The following PLAGL1 variants were observed in gnomAD, a reference collection of about 807,000 sequenced individuals.
PLAGL1 encodes the protein zinc finger protein PLAGL1.
A neutral mutation model predicts 4.6 loss-of-function variants in PLAGL1; 1 was observed. The observed-to-expected ratio is 0.22, with a 90% CI of 0.08 to 1.03. The LOEUF (loss-of-function observed/expected upper bound fraction) is 1.03, where lower values mean the gene tolerates loss of function less well. PLAGL1 is among the 50% of genes least tolerant of loss of function. The pLI is 0.58. For synonymous variants in PLAGL1, 240 were observed against 237.8 expected (o/e 1.01, Z -0.08); for missense variants, 464 against 570.4 (o/e 0.81, Z 1.90).
At chr6:144,054,311 C>A (rs1798786940) in intron 1 of PLAGL1, among the ~76,000 whole-genome samples, 1 of 152,126 alleles carries the variant, frequency 6.6e-6, no homozygotes, top group Non-Finnish European at 1.5e-5. Context: ...ATGTTTATTG[C>A]AGCACAATTT....
chr6:143,970,358 T>A lies in PLAGL1; in HGVS notation c.-543-1380A>T, dbSNP rs116626526. Among the ~76,000 whole-genome samples the A allele has an allele frequency of 8.8e-3, 1,337 of 152,330 alleles. 24 individuals are homozygous for A. The highest frequency in any genetic ancestry group is 0.028 in the African/African-American group (1,185 of 41,584). ...GTAAACATTTAAACTACTGAAAATA[T>A]ACTAAGTATTTTAACAACCTCATTA... On this transcript the variant is annotated intron_variant, in intron 2 of 7. Coordinates refer to ENST00000674357, the MANE Select transcript of PLAGL1 (RefSeq NM_001317162.2). This position sits in a 1 kb window ranked among gnomAD's most constrained non-coding sequence, Gnocchi z 5.8.
At chr6:144,057,964 T>C (rs577790981) in intron 1 of PLAGL1, among the ~76,000 whole-genome samples, 1 of 152,330 alleles carries the variant, frequency 6.6e-6, no homozygotes, top group South Asian at 2.1e-4. Context: ...TCTAATAAGA[T>C]TGACTCCAAA....
At chr6:144,029,452 A>C (rs1179662832) in intron 1 of PLAGL1, among the ~76,000 whole-genome samples, 1 of 152,258 alleles carries the variant, frequency 6.6e-6, no homozygotes, top group Non-Finnish European at 1.5e-5. Context: ...CAGATAAGTA[A>C]GGAAAAGATT....
chr6:143,959,424 C>CCCCCA lies in PLAGL1; in HGVS notation c.-325+1040_-325+1044dup, dbSNP rs1475700387. ...AAACAGAAGATACAGGCAAGACGCT[C>CCCCCA]CCCCACCCCACCCCAACTCCCAGCC... On this transcript the variant is annotated intron_variant, in intron 6 of 7. Transcript: ENST00000674357. The surrounding 1 kb of genome is among the most constrained non-coding windows in gnomAD (Gnocchi z 5.3). Among the ~76,000 whole-genome samples the CCCCCA allele has an allele frequency of 6.6e-6, 1 of 152,120 alleles. No homozygotes were observed. The highest frequency in any genetic ancestry group is 1.5e-5 in the Non-Finnish European group (1 of 68,028).
chr6:143,997,617 G>A lies in PLAGL1; in HGVS notation c.-584+10473C>T, dbSNP rs1419884968. On this transcript the variant is annotated intron_variant, in intron 1 of 7. Coordinates refer to ENST00000674357, the MANE Select transcript of PLAGL1 (RefSeq NM_001317162.2). The surrounding 1 kb of genome is among the most constrained non-coding windows in gnomAD (Gnocchi z 4.6). Reference sequence around the variant, plus strand: ...CGCTTGAGCCTGGGAGGTTGAGGCTGCTGTGAACTGTCATCCTGTCATCAT... The same window carrying A: ...CGCTTGAGCCTGGGAGGTTGAGGCTACTGTGAACTGTCATCCTGTCATCAT... Among the ~76,000 whole-genome samples, 2 of 152,186 alleles carry A rather than the reference G, an allele frequency of 1.3e-5. No homozygotes were observed. Among genetic ancestry groups the A allele is most frequent in the Admixed American group, 6.5e-5 (1 of 15,278 alleles).
rs1798943053 is a variant in PLAGL1, at chr6:144,056,088, C to T, written c.-151+8380G>A. 6.6e-6 allele frequency among the ~76,000 whole-genome samples: 1 copy of T among 151,824 alleles called. No individual in the cohort carries two copies. Among genetic ancestry groups the T allele is most frequent in the African/African-American group, 2.4e-5 (1 of 41,262 alleles). The stretch of plus-strand genomic sequence containing the variant: ...CCCCTCATCCCTTTCTCCATCCCAC[C>T]CCCACCTCTGAAGAAATCTAGACCT... On this transcript the variant is annotated intron_variant, in intron 1 of 3. Coordinates refer to the PLAGL1 transcript ENST00000437412. This position sits in a 1 kb window ranked among gnomAD's most constrained non-coding sequence, Gnocchi z 4.7.
At chr6:143,977,320 T>G (rs1418220668) in intron 2 of PLAGL1, among the ~76,000 whole-genome samples, 1 of 152,174 alleles carries the variant, frequency 6.6e-6, no homozygotes, top group Non-Finnish European at 1.5e-5. Context: ...TTTTGCATTT[T>G]CTAAAATGTC....
chr6:143,941,526 G>A lies in PLAGL1; in HGVS notation c.1290C>T (p.Gly430=). ...GGGGGAGCTGGCCCAGGCTCACAGTGCCCATGGCAAGTGGGGGTTCTTGCT... is the reference window on the plus strand; with the variant it reads ...GGGGGAGCTGGCCCAGGCTCACAGTACCCATGGCAAGTGGGGGTTCTTGCT... ...QQQQEPPLAM[G]TVSLGQLPLP... The change falls in exon 8 of 8, where the codon GGC becomes GGT. Residue 430 remains glycine, a synonymous_variant. Coordinates refer to ENST00000674357, the MANE Select transcript of PLAGL1 (RefSeq NM_001317162.2). The surrounding 1 kb of genome is among the most constrained non-coding windows in gnomAD (Gnocchi z 6.0). 6.4e-7 allele frequency: 1 copy of A among 1,556,198 alleles called. No homozygotes were observed. Among genetic ancestry groups the A allele is most frequent in the Non-Finnish European group, 8.7e-7 (1 of 1,150,890 alleles).
rs1021105300 is a variant in PLAGL1, at chr6:143,975,232, A to G, written c.-543-6254T>C. Among the ~76,000 whole-genome samples the G allele has an allele frequency of 3.3e-5, 5 of 152,232 alleles. No individual in the cohort carries two copies. The highest frequency in any genetic ancestry group is 7.3e-5 in the Non-Finnish European group (5 of 68,030). On this transcript the variant is annotated intron_variant, in intron 2 of 7. Coordinates refer to ENST00000674357, the MANE Select transcript of PLAGL1 (RefSeq NM_001317162.2). The surrounding 1 kb of genome is among the most constrained non-coding windows in gnomAD (Gnocchi z 5.8). ...ACTGGAGTTCTCTCACCAAGGTTAT[A>G]TTAAATAAGTCATCCTAGTTTTTGA... is the stretch of plus-strand genomic sequence containing the variant.
In PLAGL1 at chr6:143,983,027, G is replaced by A. The variant is rs757138254; in HGVS notation, c.-544+2108C>T. 3.9e-5 allele frequency among the ~76,000 whole-genome samples: 6 copies of A among 152,252 alleles called. No individual in the cohort carries two copies. Among genetic ancestry groups the A allele is most frequent in the African/African-American group, 4.8e-5 (2 of 41,548 alleles). On this transcript the variant is annotated intron_variant, in intron 2 of 7. Coordinates refer to ENST00000674357, the MANE Select transcript of PLAGL1 (RefSeq NM_001317162.2). This position sits in a 1 kb window ranked among gnomAD's most constrained non-coding sequence, Gnocchi z 6.6. ...TGGGAGCAGCTAGGGAGTGAGAATC[G>A]ACAGAGGACAAGTACAGAGACTGTG... is the stretch of plus-strand genomic sequence containing the variant.
At chr6:144,019,173 T>G (rs765079600) in intron 1 of PLAGL1, among the ~76,000 whole-genome samples, 7 of 151,914 alleles carry the variant, frequency 4.6e-5, no homozygotes, top group Non-Finnish European at 8.8e-5. Context: ...GATCCCTGGA[T>G]TTTTAAAAAA....
Position 143,965,026 on chromosome 6 carries a change from G to A in PLAGL1, c.-430-208C>T, listed in dbSNP as rs1056365645. ...GCCTCCCAGGGTAGCATGCTGGCAC[G>A]GAGCGGGATGGCTGATTTCCATAAG... On this transcript the variant is annotated intron_variant, in intron 4 of 7. Coordinates refer to ENST00000674357, the MANE Select transcript of PLAGL1 (RefSeq NM_001317162.2). This position sits in a 1 kb window ranked among gnomAD's most constrained non-coding sequence, Gnocchi z 7.5. The A allele has an allele frequency of 2.0e-5, 3 of 152,164 alleles. No homozygotes were observed. The highest frequency in any genetic ancestry group is 4.4e-5 in the Non-Finnish European group (3 of 68,050). The allele number at this position is 152,164 out of a possible 1,614,324, so 9.4% of individuals were successfully genotyped here. A position where few individuals can be genotyped will look rare whatever the true frequency, so the allele number is the denominator to read the frequency against.
Position 144,048,837 on chromosome 6 carries a change from T to G in PLAGL1, c.-151+15631A>C, listed in dbSNP as rs1323660158. On this transcript the variant is annotated intron_variant, in intron 1 of 3. Coordinates refer to the PLAGL1 transcript ENST00000437412. This position sits in a 1 kb window ranked among gnomAD's most constrained non-coding sequence, Gnocchi z 4.8. ...AATTTCTGCAGCTGGCTTGAATTCC[T>G]CCTTAAGAAAATAGGTTTTTCTTTT... Among the ~76,000 whole-genome samples the G allele has an allele frequency of 6.6e-6, 1 of 152,244 alleles. No homozygotes were observed. The highest frequency in any genetic ancestry group is 1.9e-4 in the East Asian group (1 of 5,200).
rs542208676 is a variant in PLAGL1 at position 143,953,070 on chromosome 6, C to T, written c.-324-4610G>A. Reference sequence around the variant, plus strand: ...GTGCTACTTTCTCTCACGCTTCTGGCTTTCTCCCTCCTGGAATGTCCTGGG... The same window carrying T: ...GTGCTACTTTCTCTCACGCTTCTGGTTTTCTCCCTCCTGGAATGTCCTGGG... On this transcript the variant is annotated intron_variant, in intron 6 of 7. Transcript: ENST00000674357. This position sits in a 1 kb window ranked among gnomAD's most constrained non-coding sequence, Gnocchi z 5.3. Among the ~76,000 whole-genome samples the T allele has an allele frequency of 6.6e-6, 1 of 152,334 alleles. No individual in the cohort carries two copies. The highest frequency in any genetic ancestry group is 1.9e-4 in the East Asian group (1 of 5,184).
chr6:144,028,824 T>G (rs1369546069), intron 1 of PLAGL1, among the ~76,000 whole-genome samples: 2 of 152,208 alleles, frequency 1.3e-5, no homozygotes, highest in African/African-American at 4.8e-5. Context: ...GCTGTATTTT[T>G]TTCTTATTAT....
intron 1 of PLAGL1, among the ~76,000 whole-genome samples, chr6:144,003,760 A>G (rs1793505544): frequency 6.6e-6 from 1 of 152,346 alleles, no homozygotes; most frequent in East Asian, 1.9e-4. Flanking sequence ...CTAATTTTTA[A>G]AAAATGGGCA....
At chr6:144,008,407 G>T (rs1338408687), upstream of PLAGL1, 1 of 151,896 alleles carries the variant, frequency 6.6e-6, no homozygotes, top group African/African-American at 2.4e-5. This position sits in a 1 kb window ranked among gnomAD's most constrained non-coding sequence, Gnocchi z 6.9. Flanking sequence ...CGGGGCTCGG[G>T]AGCCGGAACG....
At chr6:144,012,528 T>C (rs1795260765), upstream of PLAGL1, among the ~76,000 whole-genome samples, 1 of 152,168 alleles carries the variant, frequency 6.6e-6, no homozygotes, top group Admixed American at 6.5e-5. The surrounding 1 kb of genome is among the most constrained non-coding windows in gnomAD (Gnocchi z 4.8). Flanking sequence ...TGAGCCACCA[T>C]GCCTGGATGA....
chr6:144,010,127 T>G (rs1375765293), upstream of PLAGL1, among the ~76,000 whole-genome samples: 1 of 152,188 alleles, frequency 6.6e-6, no homozygotes, highest in Non-Finnish European at 1.5e-5. This position sits in a 1 kb window ranked among gnomAD's most constrained non-coding sequence, Gnocchi z 4.1. Context: ...CAATTTACAC[T>G]CCCACCAACA....
Sources: gnomAD v4.1 joint callset for allele counts (sites outside exome capture counted in the v4.1 genomes callset) on GRCh38, gnomAD v4.1.1 for gene constraint, Gnocchi (gnomAD v3.1) non-coding constraint, MANE v1.5 for transcripts, NCBI Gene and HGNC (gene_info 2026-07-23, HGNC 2026-07-21) for gene names.